CNTNAP4: variants seen among roughly 807,000 people sequenced by gnomAD.
CNTNAP4 encodes the protein contactin-associated protein-like 4.
A neutral mutation model predicts 148.4 loss-of-function variants in CNTNAP4; 98 were observed. That is an observed-to-expected ratio of 0.66 (90% CI 0.56 to 0.78). The LOEUF (loss-of-function observed/expected upper bound fraction) is 0.78, where lower values mean the gene tolerates loss of function less well. Among genes scored for constraint, CNTNAP4 ranks in the 30% least tolerant of loss-of-function variants. The pLI is 0.00. For missense variants in CNTNAP4, 1,935 were observed against 1,565.6 expected (o/e 1.24, Z -3.98); for synonymous variants, 730 against 565.1 (o/e 1.29, Z -4.14).
chr16:76,467,434 C>G lies in CNTNAP4; in HGVS notation c.1566C>G (p.Ser522Arg). The G allele has an allele frequency of 1.2e-6, 2 of 1,613,708 alleles. No individual in the cohort carries two copies. Among genetic ancestry groups the G allele is most frequent in the Non-Finnish European group, 1.7e-6 (2 of 1,179,758 alleles). ...GATGTATGAGGCTCATTTCTATCAG[C>G]GGCAAAGTGGTAGATCTGATTTCAG... ...FQGCMRLISI[S>R]GKVVDLISVQ... Residue 522 changes from serine to arginine, a missense_variant, in exon 10 of 24, where the codon AGC becomes AGG. Transcript: ENST00000611870.
At chr16:76,317,902 A>T (rs1272664743) in intron 2 of CNTNAP4, among the ~76,000 whole-genome samples, 1 of 152,180 alleles carries the variant, frequency 6.6e-6, no homozygotes, top group Non-Finnish European at 1.5e-5. Flanking sequence ...GTATCAGTGG[A>T]GAGTGAGAAC....
At chr16:76,533,479 G>C (rs1222884071) in intron 17 of CNTNAP4, among the ~76,000 whole-genome samples, 1 of 152,256 alleles carries the variant, frequency 6.6e-6, no homozygotes, top group African/African-American at 2.4e-5. Flanking sequence ...GGAAGATATT[G>C]AATGTTCCCA....
At chr16:76,389,075 T>G (rs1339671883) in intron 3 of CNTNAP4, among the ~76,000 whole-genome samples, 1 of 152,200 alleles carries the variant, frequency 6.6e-6, no homozygotes, top group Non-Finnish European at 1.5e-5. Context: ...TAGTATATAA[T>G]AGAGTATAAG....
chr16:76,314,615 A>G (rs1961502682), intron 1 of CNTNAP4, among the ~76,000 whole-genome samples: 1 of 152,180 alleles, frequency 6.6e-6, no homozygotes, highest in Non-Finnish European at 1.5e-5. Context: ...AATTATTGGG[A>G]CATCAGGACA....
intron 2 of CNTNAP4, among the ~76,000 whole-genome samples, chr16:76,352,204 G>A (rs977095840): frequency 1.1e-4 from 16 of 152,176 alleles, no homozygotes; most frequent in African/African-American, 2.4e-5. Flanking sequence ...AATTCAAGAT[G>A]CTTGATTAGT....
chr16:76,342,943 C>T (rs1964600093), intron 2 of CNTNAP4, among the ~76,000 whole-genome samples: 1 of 152,118 alleles, frequency 6.6e-6, no homozygotes, highest in South Asian at 2.1e-4. Flanking sequence ...TACTGTAGCT[C>T]TCATCACGAA....
At chr16:76,515,970 A>G (rs926881622) in intron 15 of CNTNAP4, among the ~76,000 whole-genome samples, 1 of 152,188 alleles carries the variant, frequency 6.6e-6, no homozygotes, top group Non-Finnish European at 1.5e-5. Flanking sequence ...ACATGTGCAG[A>G]ATGTGCAGAT....
chr16:76,451,166 C>A (rs989846407), intron 7 of CNTNAP4, among the ~76,000 whole-genome samples: 1 of 152,142 alleles, frequency 6.6e-6, no homozygotes, highest in East Asian at 1.9e-4. Flanking sequence ...AACAAACCAG[C>A]CGCTGTGTGA....
intron 16 of CNTNAP4, 41 bp from the exon 17 acceptor site, chr16:76,521,998 T>C (rs752243068): frequency 6.9e-6 from 11 of 1,586,156 alleles, no homozygotes; most frequent in African/African-American, 2.7e-5. Context: ...CACTTCGCCA[T>C]AGGAACTCAC....
intron 8 of CNTNAP4, 27 bp downstream of exon 8, chr16:76,452,796 G>A (rs767060814): frequency 6.7e-7 from 1 of 1,501,236 alleles, no homozygotes; most frequent in African/African-American, 1.4e-5. Context: ...CTGGGGCAAA[G>A]CATATGGATT....
chr16:76,284,876 T>C (rs1958821086), intron 1 of CNTNAP4, among the ~76,000 whole-genome samples: 2 of 152,078 alleles, frequency 1.3e-5, no homozygotes, highest in Admixed American at 1.3e-4. Flanking sequence ...TGGCTCTGTG[T>C]TGGTAAAGAC....
chr16:76,539,841 G>A lies in CNTNAP4; in HGVS notation c.3343G>A (p.Val1115Ile), dbSNP rs2030341918. 7 of 1,591,268 alleles carry A rather than the reference G, an allele frequency of 4.4e-6. No individual in the cohort carries two copies. In the Admixed American group the frequency reaches 9.4e-5, roughly 21 times the overall value. Reference protein sequence around the residue: ...HIMINREEGVVFIEIDDNRRR... With the variant: ...HIMINREEGVIFIEIDDNRRR... ...AATGATTAACAGAGAAGAAGGAGTGGTCTTTATAGAGGTAATGTAGTAAAT... is the reference window on the plus strand; with the variant it reads ...AATGATTAACAGAGAAGAAGGAGTGATCTTTATAGAGGTAATGTAGTAAAT... Residue 1115 changes from valine (V) to isoleucine (I), a missense_variant, in exon 20 of 24, where the codon GTC becomes ATC. Transcript: ENST00000611870.
At position 76,507,026 on chromosome 16, in the gene CNTNAP4, C is replaced by T. The variant is rs2082860734; in HGVS notation, c.2365+8332C>T. ...GGAGATAGTATTTTGTATACCTTTG[C>T]TTTTCCCATTCATTTTTCTAGCAAT... On this transcript the variant is annotated intron_variant, in intron 15 of 23. Transcript: ENST00000611870. Among the ~76,000 whole-genome samples, 2 of 96,922 alleles carry T rather than the reference C, an allele frequency of 2.1e-5. 1 individual carries two copies. The highest frequency in any genetic ancestry group is 2.0e-4 in the Admixed American group (2 of 9,966). 63.6% of individuals were successfully genotyped at this position (96,922 alleles called of 152,430 possible). A position where few individuals can be genotyped will look rare whatever the true frequency, so the allele number is the denominator to read the frequency against.
At chr16:76,471,294 A>T (rs916800339) in intron 10 of CNTNAP4, among the ~76,000 whole-genome samples, 1 of 152,200 alleles carries the variant, frequency 6.6e-6, no homozygotes, top group Non-Finnish European at 1.5e-5. Context: ...CTGGGGCAGG[A>T]GTGATGGCTA....
intron 3 of CNTNAP4, among the ~76,000 whole-genome samples, chr16:76,389,622 T>TTTTTTTC (rs1441698975): frequency 1.3e-5 from 2 of 152,048 alleles, no homozygotes; most frequent in Non-Finnish European, 2.9e-5. Context: ...CCCAACTATT[T>TTTTTTTC]TTTTTTCTTT....
intron 3 of CNTNAP4, among the ~76,000 whole-genome samples, chr16:76,396,032 A>C (rs1187695792): frequency 6.6e-6 from 1 of 152,198 alleles, no homozygotes; most frequent in East Asian, 1.9e-4. Flanking sequence ...TCTAGCCTGG[A>C]TGGTTTTTAT....
chr16:76,486,314 T>A (rs1219184615), intron 12 of CNTNAP4, among the ~76,000 whole-genome samples: 1 of 152,204 alleles, frequency 6.6e-6, no homozygotes, highest in Non-Finnish European at 1.5e-5. Context: ...TAAAGATTTT[T>A]AAAATGCATT....
At chr16:76,466,005 T>C (rs1227587295) in intron 9 of CNTNAP4, among the ~76,000 whole-genome samples, 1 of 152,222 alleles carries the variant, frequency 6.6e-6, no homozygotes. Context: ...GTGTGGATTA[T>C]ACAGGAATTA....
chr16:76,494,483 A>G (rs1430627626), intron 13 of CNTNAP4, among the ~76,000 whole-genome samples: 1 of 152,188 alleles, frequency 6.6e-6, no homozygotes, highest in Non-Finnish European at 1.5e-5. Flanking sequence ...GACTTTACAT[A>G]ACATTCCATA....
Sources: gnomAD v4.1 joint callset for allele counts (sites outside exome capture counted in the v4.1 genomes callset) on GRCh38, gnomAD v4.1.1 for gene constraint, MANE v1.5 for transcripts, NCBI Gene and HGNC (gene_info 2026-07-23, HGNC 2026-07-21) for gene names.